The following SLIT1 variants were observed in gnomAD, a reference collection of about 807,000 sequenced individuals.
SLIT1 encodes slit guidance ligand 1.
Under a neutral mutation model 186.1 loss-of-function variants are expected in SLIT1, and 66 were observed. The ratio of observed to expected loss-of-function variants is 0.35; its 90% CI spans 0.29 to 0.44. The LOEUF is 0.44. Among genes scored for constraint, SLIT1 ranks in the 20% least tolerant of loss-of-function variants. The pLI, the probability that SLIT1 is intolerant of heterozygous loss-of-function variation, is 1.00. For missense variants in SLIT1, 1,638 were observed against 2,037.4 expected (o/e 0.80, Z 3.77); for synonymous variants, 761 against 833.8 (o/e 0.91, Z 1.50).
intron 22 of SLIT1, among the ~76,000 whole-genome samples, chr10:97,034,940 T>A (rs1330028459): frequency 6.6e-6 from 1 of 152,112 alleles, no homozygotes. Flanking sequence ...TACGAGGCAG[T>A]CCTATGAGGG....
At chr10:97,028,770 C>G (rs1848567554) in intron 25 of SLIT1, among the ~76,000 whole-genome samples, 1 of 152,224 alleles carries the variant, frequency 6.6e-6, no homozygotes, top group Admixed American at 6.5e-5. Flanking sequence ...TCTGGTTACC[C>G]AGGATGTATT....
chr10:97,071,571 G>A (rs576249928), intron 4 of SLIT1, among the ~76,000 whole-genome samples: 2 of 152,348 alleles, frequency 1.3e-5, no homozygotes, highest in East Asian at 3.9e-4. Context: ...AACAGCAAGA[G>A]AGCAAGAGTG....
At chr10:97,163,898 G>A (rs554207400) in intron 2 of SLIT1, among the ~76,000 whole-genome samples, 6 of 152,212 alleles carry the variant, frequency 3.9e-5, no homozygotes, top group Non-Finnish European at 2.9e-5. Context: ...AGAACGGGGG[G>A]ACCGGCCAGT....
intron 4 of SLIT1, among the ~76,000 whole-genome samples, chr10:97,096,263 C>CA (rs1849288242): frequency 1.3e-5 from 2 of 152,144 alleles, no homozygotes; most frequent in Non-Finnish European, 1.5e-5. Context: ...TTTTTAATCA[C>CA]AAAAAAGGCT....
In SLIT1 at chr10:97,004,165, C is replaced by A; in HGVS notation, c.3768G>T (p.Gln1256His). Residue 1256 changes from glutamine to histidine, a missense_variant, in exon 34 of 37, where the codon CAG (glutamine) becomes CAT (histidine). Coordinates refer to ENST00000266058, the MANE Select transcript of SLIT1 (RefSeq NM_003061.3). This position sits in a 1 kb window ranked among gnomAD's most constrained non-coding sequence, Gnocchi z 5.1. ...FHTVELVAFD[Q>H]MVNLSIDGGS... ...CGCCATCAATGGAGAGATTCACCAT[C>A]TGGTCAAAGGCAACCAGCTCAACGG... 1 of 1,613,958 alleles carries A rather than the reference C, an allele frequency of 6.2e-7. No homozygotes were observed. Among genetic ancestry groups the A allele is most frequent in the African/African-American group, 1.3e-5 (1 of 75,058 alleles).
intron 22 of SLIT1, 64 bp downstream of exon 22, chr10:97,037,634 A>G: frequency 7.7e-7 from 1 of 1,291,570 alleles, no homozygotes; most frequent in Non-Finnish European, 1.1e-6. Flanking sequence ...AATTCCAGGA[A>G]AGCCGGAGTC....
chr10:97,171,083 G>A (rs1258891649), intron 1 of SLIT1, among the ~76,000 whole-genome samples: 3 of 152,138 alleles, frequency 2.0e-5, no homozygotes, highest in South Asian at 2.1e-4. Context: ...AAGAAACCAC[G>A]CATGCTGTCA....
chr10:97,050,171 C>T (rs918668681), intron 13 of SLIT1, among the ~76,000 whole-genome samples: 1 of 152,154 alleles, frequency 6.6e-6, no homozygotes, highest in African/African-American at 2.4e-5. Context: ...AAAAGAAGTA[C>T]GGGGAGACAG....
intron 4 of SLIT1, among the ~76,000 whole-genome samples, chr10:97,127,561 T>G (rs992558803): frequency 6.6e-6 from 1 of 152,158 alleles, no homozygotes; most frequent in African/African-American, 2.4e-5. Flanking sequence ...AGCAAGGACC[T>G]CATCAGGAAC....
rs12771185 is a variant in SLIT1, at chr10:97,125,610, G to A, written c.413+32208C>T. ...TCCCAGCACTTTGGGAGGCTGAGGC[G>A]GGCGGATCACCTGAGGTCAGGAGTT... On this transcript the variant is annotated intron_variant, in intron 4 of 36. Coordinates refer to ENST00000266058, the MANE Select transcript of SLIT1 (RefSeq NM_003061.3). Among the ~76,000 whole-genome samples the A allele has an allele frequency of 5.2e-3, 784 of 151,734 alleles. 5 individuals carry two copies. Among genetic ancestry groups the A allele is most frequent in the Non-Finnish European group, 7.4e-3 (501 of 67,926 alleles).
In SLIT1 at chr10:97,064,737, C is replaced by T. The variant is rs544370553; in HGVS notation, c.557+68G>A. 3.4e-6 allele frequency: 4 copies of T among 1,192,166 alleles called. No homozygotes were observed. The African/African-American group carries it at 4.6e-5, about 14-fold the overall frequency. The allele number at this position is 1,192,166 out of a possible 1,614,324, so 73.8% of individuals were successfully genotyped here. A position where few individuals can be genotyped will look rare whatever the true frequency, so the allele number is the denominator to read the frequency against. On this transcript the variant is annotated intron_variant, in intron 6 of 36. Transcript: ENST00000266058. ...GTCTCCCTGATGCCCGCTGCCTAGG[C>T]TGCGGCACTTGGCACCTGCCTAGCA...
chr10:97,025,134 G>T (rs1186087425), intron 25 of SLIT1, among the ~76,000 whole-genome samples: 1 of 152,146 alleles, frequency 6.6e-6, no homozygotes, highest in African/African-American at 2.4e-5. Flanking sequence ...GTTGGGCATG[G>T]TGACAGGCGC....
In SLIT1 at chr10:97,001,047, CTG is replaced by C; in HGVS notation, c.*63_*64del. On this transcript the variant is annotated 3_prime_UTR_variant, in exon 37 of 37. Coordinates refer to ENST00000266058, the MANE Select transcript of SLIT1 (RefSeq NM_003061.3). ...TGCACCCCAGCCCAGCTGCTGGCGA[CTG>C]TCTCCGCTGCTGCAGCGGCTGGGGC... The C allele has an allele frequency of 2.2e-6, 3 of 1,345,886 alleles. No homozygotes were observed. The highest frequency in any genetic ancestry group is 3.2e-6 in the Non-Finnish European group (3 of 952,002). 83.4% of individuals were successfully genotyped at this position (1,345,886 alleles called of 1,614,324 possible).
At chr10:97,132,232 G>C (rs1046009836) in intron 4 of SLIT1, among the ~76,000 whole-genome samples, 1 of 152,114 alleles carries the variant, frequency 6.6e-6, no homozygotes, top group African/African-American at 2.4e-5. Flanking sequence ...CCCAGACCCT[G>C]GCCCCTGCAG....
intron 1 of SLIT1, among the ~76,000 whole-genome samples, chr10:97,171,636 A>G (rs1850190081): frequency 6.6e-6 from 1 of 152,098 alleles, no homozygotes; most frequent in African/African-American, 2.4e-5. Flanking sequence ...CCTGGCCAAC[A>G]TGGCGAAACC....
intron 4 of SLIT1, among the ~76,000 whole-genome samples, chr10:97,091,259 A>T (rs970525433): frequency 6.6e-6 from 1 of 152,222 alleles, no homozygotes; most frequent in Non-Finnish European, 1.5e-5. Context: ...CACTCCTGCC[A>T]TCTTCTCCCC....
chr10:97,095,220 T>C (rs1849275081), intron 4 of SLIT1, among the ~76,000 whole-genome samples: 1 of 151,654 alleles, frequency 6.6e-6, no homozygotes, highest in Non-Finnish European at 1.5e-5. Flanking sequence ...AAGGTGGAGG[T>C]TGCAGTGAGC....
intron 28 of SLIT1, among the ~76,000 whole-genome samples, chr10:97,017,748 C>T (rs1161608472): frequency 6.6e-6 from 1 of 152,164 alleles, no homozygotes; most frequent in Non-Finnish European, 1.5e-5. Flanking sequence ...CAGGGGGCAG[C>T]TTGAGGAGGC....
At chr10:97,162,779 C>T (rs966251698) in intron 3 of SLIT1, among the ~76,000 whole-genome samples, 1 of 152,126 alleles carries the variant, frequency 6.6e-6, no homozygotes, top group African/African-American at 2.4e-5. Context: ...AGATCGGCGA[C>T]CACCGTGAAC....
Sources: gnomAD v4.1 joint callset for allele counts (sites outside exome capture counted in the v4.1 genomes callset) on GRCh38, gnomAD v4.1.1 for gene constraint, Gnocchi (gnomAD v3.1) non-coding constraint, MANE v1.5 for transcripts, NCBI Gene and HGNC (gene_info 2026-07-23, HGNC 2026-07-21) for gene names.